The following AHCYL2 variants were observed in gnomAD, a reference collection of about 807,000 sequenced individuals.
AHCYL2 encodes the protein S-adenosylhomocysteine hydrolase-like protein 2.
In AHCYL2, 28 loss-of-function variants were observed where a neutral mutation model predicts 81.4. The ratio of observed to expected loss-of-function variants is 0.34; its 90% CI spans 0.25 to 0.47. The LOEUF is 0.47. Ranked by LOEUF, AHCYL2 falls within the 20% of genes least tolerant of loss-of-function variation. AHCYL2 has a pLI of 1.00. For missense variants in AHCYL2, 551 were observed against 785.1 expected (o/e 0.70, Z 3.56); for synonymous variants, 272 against 290.2 (o/e 0.94, Z 0.64).
rs577688171 is a variant in AHCYL2 at position 129,246,695 on chromosome 7, T to C, written c.363+21256T>C. 3.0e-4 allele frequency among the ~76,000 whole-genome samples: 45 copies of C among 152,070 alleles called. 1 individual carries two copies. The highest frequency in any genetic ancestry group is 1.2e-3 in the Admixed American group (18 of 15,266). ...TATTTTTTGTAGAGATGGGATATCA[T>C]CTTGTTGCCCAGGCAAGTCTCAAAC... On this transcript the variant is annotated intron_variant, in intron 1 of 16. Transcript: ENST00000325006.
intron 1 of AHCYL2, among the ~76,000 whole-genome samples, chr7:129,290,267 G>A (rs940916297): frequency 6.6e-6 from 1 of 151,986 alleles, no homozygotes; most frequent in Admixed American, 6.5e-5. Context: ...ACTTTGGGAG[G>A]CCAAGGCGGG....
chr7:129,283,778 T>C (rs1796531891), intron 1 of AHCYL2, among the ~76,000 whole-genome samples: 2 of 152,190 alleles, frequency 1.3e-5, no homozygotes, highest in Non-Finnish European at 2.9e-5. Context: ...ATCACTATCT[T>C]TTTTCATATT....
chr7:129,426,992 C>G lies in AHCYL2; in HGVS notation c.1830-47C>G, dbSNP rs772854651. 1 of 1,598,714 alleles carries G rather than the reference C, an allele frequency of 6.3e-7. No homozygotes were observed. Among genetic ancestry groups the G allele is most frequent in the South Asian group, 1.1e-5 (1 of 90,420 alleles). On this transcript the variant is annotated intron_variant, in intron 16 of 16. Coordinates refer to ENST00000325006, the MANE Select transcript of AHCYL2 (RefSeq NM_015328.4). The surrounding 1 kb of genome is among the most constrained non-coding windows in gnomAD (Gnocchi z 4.3). ...GGCAGGCTCTTCATGTCCCAGCATC[C>G]CCATTAGCTGATAACATCACAGTCT... is the stretch of plus-strand genomic sequence containing the variant.
intron 1 of AHCYL2, among the ~76,000 whole-genome samples, chr7:129,355,193 T>A (rs1435519408): frequency 6.6e-6 from 1 of 151,960 alleles, no homozygotes; most frequent in East Asian, 1.9e-4. Context: ...TCATAATCTG[T>A]TTAGTGCCAT....
At chr7:129,364,687 C>T (rs890361305) in intron 1 of AHCYL2, among the ~76,000 whole-genome samples, 29 of 152,114 alleles carry the variant, frequency 1.9e-4, no homozygotes, top group Admixed American at 1.0e-3. Flanking sequence ...AATATTCTAA[C>T]GGTTGGGCTT....
At chr7:129,398,075 C>T (rs1219078882) in intron 5 of AHCYL2, among the ~76,000 whole-genome samples, 2 of 152,072 alleles carry the variant, frequency 1.3e-5, no homozygotes, top group African/African-American at 2.4e-5. Context: ...GTAGTGCAGT[C>T]GTGTTTCACT....
intron 1 of AHCYL2, among the ~76,000 whole-genome samples, chr7:129,359,723 G>A (rs1793867148): frequency 6.6e-6 from 1 of 152,200 alleles, no homozygotes; most frequent in Non-Finnish European, 1.5e-5. Flanking sequence ...GCTTTAGCTA[G>A]AGGTGCTAAC....
intron 1 of AHCYL2, among the ~76,000 whole-genome samples, chr7:129,315,940 T>A (rs2150781491): frequency 6.6e-6 from 1 of 152,324 alleles, no homozygotes; most frequent in East Asian, 1.9e-4. Flanking sequence ...ATTCTACTCT[T>A]GTTTCAGAGG....
chr7:129,353,578 G>A lies in AHCYL2; in HGVS notation c.364-26060G>A, dbSNP rs150658775. Among the ~76,000 whole-genome samples, 669 of 149,912 alleles carry A rather than the reference G, an allele frequency of 4.5e-3. 4 individuals carry two copies. Among genetic ancestry groups the A allele is most frequent in the Middle Eastern group, 0.017 (5 of 292 alleles). On this transcript the variant is annotated intron_variant, in intron 1 of 16. Transcript: ENST00000325006. ...TATCTATTTACTTAATTTTTTATCC[G>A]TCTCCCTTATTAGATAAAAATAAGC... is the stretch of plus-strand genomic sequence containing the variant.
At chr7:129,264,789 C>T (rs1366344564) in intron 1 of AHCYL2, among the ~76,000 whole-genome samples, 1 of 152,162 alleles carries the variant, frequency 6.6e-6, no homozygotes, top group Non-Finnish European at 1.5e-5. Flanking sequence ...GACAGAGACT[C>T]CTAGTTGTTT....
At chr7:129,369,861 A>G (rs1052711020) in intron 1 of AHCYL2, among the ~76,000 whole-genome samples, 8 of 152,100 alleles carry the variant, frequency 5.3e-5, no homozygotes, top group African/African-American at 1.7e-4. Flanking sequence ...CTTGTGTTCA[A>G]TTTTAAAACA....
Position 129,427,303 on chromosome 7 carries a change from C to T in AHCYL2, c.*258C>T, listed in dbSNP as rs189033986. The stretch of plus-strand genomic sequence containing the variant: ...AGGAAAGAAATGGGGTTACTGCTCC[C>T]AGTGCATCATTTGCATCATTCCCCA... On this transcript the variant is annotated 3_prime_UTR_variant, in exon 17 of 17. Transcript: ENST00000325006. The surrounding 1 kb of genome is among the most constrained non-coding windows in gnomAD (Gnocchi z 5.5). 9.6e-6 allele frequency: 4 copies of T among 416,992 alleles called. No individual in the cohort carries two copies. The East Asian group carries it at 1.2e-4, about 13-fold the overall frequency. 25.8% of individuals were successfully genotyped at this position (416,992 alleles called of 1,614,324 possible).
intron 1 of AHCYL2, among the ~76,000 whole-genome samples, chr7:129,232,329 G>A (rs1794476452): frequency 6.6e-6 from 1 of 152,124 alleles, no homozygotes; most frequent in Non-Finnish European, 1.5e-5. Context: ...AGAAAATATA[G>A]GCTCAAAGAG....
At position 129,370,575 on chromosome 7, in the gene AHCYL2, A is replaced by G. The variant is rs543762255; in HGVS notation, c.364-9063A>G. Among the ~76,000 whole-genome samples the G allele has an allele frequency of 1.9e-3, 285 of 152,200 alleles. 1 individual carries two copies. Among genetic ancestry groups the G allele is most frequent in the Middle Eastern group, 6.8e-3 (2 of 294 alleles). On this transcript the variant is annotated intron_variant, in intron 1 of 16. Transcript: ENST00000325006. Reference sequence around the variant, plus strand: ...TAGCCGGGCGTGGTGGCGGGCGCCTATAGTCCCAGCTACTCTGGAGGCTGA... The same window carrying G: ...TAGCCGGGCGTGGTGGCGGGCGCCTGTAGTCCCAGCTACTCTGGAGGCTGA...
chr7:129,239,316 A>G (rs1025837625), intron 1 of AHCYL2, among the ~76,000 whole-genome samples: 2 of 152,230 alleles, frequency 1.3e-5, no homozygotes, highest in African/African-American at 4.8e-5. Context: ...GAACAATATC[A>G]GGTAACTCTG....
Position 129,348,550 on chromosome 7 carries a change from C to G in AHCYL2, c.364-31088C>G, listed in dbSNP as rs192906370. Among the ~76,000 whole-genome samples the G allele has an allele frequency of 2.6e-5, 4 of 152,066 alleles. No individual in the cohort carries two copies. The East Asian group carries it at 7.7e-4, about 29-fold the overall frequency. ...TCTTTATATCTCTTGAACTTTGTGC[C>G]ATAGTTAAAAACAAATGAAGAAATA... On this transcript the variant is annotated intron_variant, in intron 1 of 16. Coordinates refer to ENST00000325006, the MANE Select transcript of AHCYL2 (RefSeq NM_015328.4).
At chr7:129,409,370 G>C in intron 10 of AHCYL2, 106 bp from the exon 11 acceptor site, 1 of 772,042 alleles carries the variant, frequency 1.3e-6, no homozygotes, top group East Asian at 2.7e-5. Flanking sequence ...GAATAGTTCA[G>C]CTATCTCAAG....
At chr7:129,392,699 G>A (rs1795527713) in intron 4 of AHCYL2, among the ~76,000 whole-genome samples, 1 of 152,176 alleles carries the variant, frequency 6.6e-6, no homozygotes, top group South Asian at 2.1e-4. Context: ...AATTAACATT[G>A]ATTCATTATT....
intron 1 of AHCYL2, among the ~76,000 whole-genome samples, chr7:129,374,189 G>A (rs572147345): frequency 1.3e-5 from 2 of 152,166 alleles, no homozygotes; most frequent in African/African-American, 4.8e-5. Context: ...TAGGACCTTT[G>A]GTCTTCTGAT....
Sources: allele counts gnomAD v4.1 joint callset (sites outside exome capture counted in the v4.1 genomes callset), GRCh38; gene constraint gnomAD v4.1.1; non-coding constraint Gnocchi (gnomAD v3.1); transcripts MANE v1.5; gene names NCBI Gene and HGNC (gene_info 2026-07-23, HGNC 2026-07-21).